UTP20: variants seen among roughly 807,000 people sequenced by gnomAD.
UTP20 encodes UTP20 small subunit processome component.
A neutral mutation model predicts 329.5 loss-of-function variants in UTP20; 164 were observed. The ratio of observed to expected loss-of-function variants is 0.50; its 90% CI spans 0.44 to 0.57. UTP20 has a LOEUF of 0.57. UTP20 is among the 20% of genes least tolerant of loss of function. UTP20 has a pLI of 0.00. For missense variants in UTP20, 3,055 were observed against 3,284.2 expected (o/e 0.93, Z 1.71); for synonymous variants, 1,151 against 1,159.3 (o/e 0.99, Z 0.14).
intron 38 of UTP20, among the ~76,000 whole-genome samples, chr12:101,350,607 T>C (rs1028074691): frequency 2.6e-5 from 4 of 152,160 alleles, no homozygotes; most frequent in Admixed American, 1.3e-4. Context: ...GCTTTCAAGC[T>C]CTCTTAGGGC....
At chr12:101,378,088 G>C (rs1227144356) in intron 56 of UTP20, among the ~76,000 whole-genome samples, 2 of 152,200 alleles carry the variant, frequency 1.3e-5, no homozygotes, top group African/African-American at 4.8e-5. Flanking sequence ...GTGGTGTATG[G>C]AGAATGGCCA....
intron 49 of UTP20, 84 bp from the exon 50 acceptor site, chr12:101,370,348 G>A (rs1362297903): frequency 6.9e-7 from 1 of 1,441,110 alleles, no homozygotes; most frequent in African/African-American, 1.4e-5. Flanking sequence ...AAGCATACTT[G>A]TGTGTTGTGT....
intron 42 of UTP20, 108 bp from the exon 43 acceptor site, chr12:101,356,818 A>G: frequency 3.4e-6 from 5 of 1,476,414 alleles, no homozygotes; most frequent in Non-Finnish European, 4.5e-6. Context: ...GGTTTCGAAT[A>G]TTAACAGGAA....
At chr12:101,384,447 G>C (rs113398050) in intron 60 of UTP20, among the ~76,000 whole-genome samples, 2,216 of 152,254 alleles carry the variant, frequency 0.015, 47 homozygotes, top group African/African-American at 0.05. Context: ...AGGCTGAGGT[G>C]GGGGGATCTC....
chr12:101,308,204 G>C lies in UTP20; in HGVS notation c.2015G>C (p.Arg672Pro). Reference protein sequence around the residue: ...ESMEDDGLSERQSVFAILRQA... With the variant: ...ESMEDDGLSEPQSVFAILRQA... ...ATTCAGGATGATGGGCTCTCAGAGC[G>C]GCAGTCTGTCTTTGCTATATTACGC... is the stretch of plus-strand genomic sequence containing the variant. Residue 672 changes from arginine (R) to proline (P), a missense_variant, in exon 18 of 62, where the codon CGG becomes CCG. This residue lies in a region of UTP20 where 2,445 missense variants were observed against 2,575.5 expected (regional missense o/e 0.95). Transcript: ENST00000261637. 1 of 1,610,006 alleles carries C rather than the reference G, an allele frequency of 6.2e-7. No homozygotes were observed.
chr12:101,296,845 A>C (rs1428608858), intron 12 of UTP20, among the ~76,000 whole-genome samples: 1 of 152,258 alleles, frequency 6.6e-6, no homozygotes, highest in African/African-American at 2.4e-5. Flanking sequence ...TTCATTCAAA[A>C]TGACACATTG....
chr12:101,363,651 G>A lies in UTP20; in HGVS notation c.5866G>A (p.Ala1956Thr), dbSNP rs746086197. 7 of 1,613,938 alleles carry A rather than the reference G, an allele frequency of 4.3e-6. No individual in the cohort carries two copies. Among genetic ancestry groups the A allele is most frequent in the Non-Finnish European group, 5.1e-6 (6 of 1,179,916 alleles). ...GCAGATCCTCTCCAAAGTCATGGAA[G>A]CACGAAGAAGCAAAAGTTACGACTC... is the stretch of plus-strand genomic sequence containing the variant. ...VKQILSKVME[A>T]RRSKSYDSYE... Residue 1956 changes from alanine to threonine, a missense_variant, in exon 45 of 62, where the codon GCA becomes ACA. Physicochemically the swap from Ala to Thr is moderately conservative, Grantham distance 58 (BLOSUM62 0). This residue lies in a region of UTP20 where 2,445 missense variants were observed against 2,575.5 expected (regional missense o/e 0.95). Coordinates refer to ENST00000261637, the MANE Select transcript of UTP20 (RefSeq NM_014503.3).
At chr12:101,313,858 C>T (rs1565791393) in intron 21 of UTP20, among the ~76,000 whole-genome samples, 1 of 151,890 alleles carries the variant, frequency 6.6e-6, no homozygotes. Context: ...AGTTGCAGGT[C>T]TGTGGGGGAG....
rs1408238650 is a variant in UTP20 at position 101,288,967 on chromosome 12, A to G, written c.523A>G (p.Ser175Gly). The stretch of plus-strand genomic sequence containing the variant: ...TATTTTTTTCATGTATAGCATGTAC[A>G]GCACACTCCTGGCTCATAAAAAACT... ...KDMSSIYSMY[S>G]TLLAHKKLHI... Residue 175 changes from serine (S) to glycine (G), a missense_variant, in exon 6 of 62, where the codon AGC becomes GGC. Transcript: ENST00000261637. 1.9e-6 allele frequency: 3 copies of G among 1,613,566 alleles called. No homozygotes were observed. The highest frequency in any genetic ancestry group is 1.3e-5 in the African/African-American group (1 of 75,012).
At chr12:101,327,868 AC>A (rs1392983849) in intron 26 of UTP20, among the ~76,000 whole-genome samples, 1 of 151,780 alleles carries the variant, frequency 6.6e-6, no homozygotes, top group Admixed American at 6.6e-5. Context: ...GTTATGACAG[AC>A]CCATTTACTT....
At position 101,350,756 on chromosome 12, in the gene UTP20, T is replaced by C. The variant is rs115804059; in HGVS notation, c.4885-1299T>C. 6.2e-3 allele frequency among the ~76,000 whole-genome samples: 946 copies of C among 152,232 alleles called. 8 individuals are homozygous for C. The highest frequency in any genetic ancestry group is 0.022 in the African/African-American group (897 of 41,538). On this transcript the variant is annotated intron_variant, in intron 38 of 61. Transcript: ENST00000261637. ...GGACTGTGAACTAGCCTCAACCTTATATGGTCTTTGATGATTGTTTTGCCT... is the reference window on the plus strand; with the variant it reads ...GGACTGTGAACTAGCCTCAACCTTACATGGTCTTTGATGATTGTTTTGCCT...
intron 21 of UTP20, among the ~76,000 whole-genome samples, chr12:101,315,732 TTA>T (rs1872953120): frequency 6.6e-6 from 1 of 152,212 alleles, no homozygotes; most frequent in East Asian, 1.9e-4. Flanking sequence ...AAAATAACAC[TTA>T]TCAGTTTTTT....
intron 44 of UTP20, among the ~76,000 whole-genome samples, 175 bp from the exon 45 acceptor site, chr12:101,363,401 C>T (rs560096996): frequency 5.9e-5 from 9 of 152,236 alleles, no homozygotes; most frequent in African/African-American, 2.2e-4. Context: ...TAATTGGTCC[C>T]TAAATTGCAT....
intron 25 of UTP20, among the ~76,000 whole-genome samples, chr12:101,325,053 A>T (rs1364257939): frequency 2.0e-5 from 3 of 152,158 alleles, no homozygotes; most frequent in East Asian, 1.9e-4. Flanking sequence ...TTTCTCTATT[A>T]AAAAAATCAC....
Position 101,380,376 on chromosome 12 carries a change from C to T in UTP20, c.7585-764C>T, listed in dbSNP as rs563526151. On this transcript the variant is annotated intron_variant, in intron 57 of 61. Coordinates refer to ENST00000261637, the MANE Select transcript of UTP20 (RefSeq NM_014503.3). ...TCTGGGCAAGACCGAGATCTTATCT[C>T]AAAAAAACAAAAAGAAAGAAAGAAA... 2.0e-5 allele frequency among the ~76,000 whole-genome samples: 3 copies of T among 148,116 alleles called. No homozygotes were observed. In the South Asian group the frequency reaches 6.5e-4, roughly 32 times the overall value.
Position 101,295,531 on chromosome 12 carries a change from G to A in UTP20, c.1303G>A (p.Asp435Asn), listed in dbSNP as rs1396311455. 2 of 1,611,512 alleles carry A rather than the reference G, an allele frequency of 1.2e-6. No individual in the cohort carries two copies. The highest frequency in any genetic ancestry group is 1.3e-5 in the African/African-American group (1 of 74,844). ...SYIVNCFLID[D>N]AVVKDEALAI... Reference sequence around the variant, plus strand: ...TATTGTGAATTGCTTCTTAATTGATGATGCTGTAGTCAAAGATGAAGCTCT... The same window carrying A: ...TATTGTGAATTGCTTCTTAATTGATAATGCTGTAGTCAAAGATGAAGCTCT... The change falls in exon 12 of 62, where the codon GAT becomes AAT. Residue 435 changes from aspartate to asparagine, a missense_variant. Transcript: ENST00000261637.
At chr12:101,317,698 C>T (rs1686290559) in intron 22 of UTP20, 35 bp downstream of exon 22, 2 of 1,570,816 alleles carry the variant, frequency 1.3e-6, no homozygotes, top group Admixed American at 1.9e-5. Context: ...CACAGATCCA[C>T]AGTTCTGGGA....
chr12:101,288,021 C>G (rs1378823923), intron 5 of UTP20, among the ~76,000 whole-genome samples: 1 of 152,170 alleles, frequency 6.6e-6, no homozygotes, highest in African/African-American at 2.4e-5. Context: ...TCATTGTGGG[C>G]ACTCCTGAAA....
intron 32 of UTP20, 52 bp downstream of exon 32, chr12:101,340,662 T>A: frequency 8.4e-7 from 1 of 1,187,424 alleles, no homozygotes; most frequent in Non-Finnish European, 1.2e-6. Context: ...ACTTTATCAC[T>A]AGGTTTAATT....
Sources: allele counts gnomAD v4.1 joint callset (sites outside exome capture counted in the v4.1 genomes callset), GRCh38; gene constraint gnomAD v4.1.1; regional missense constraint gnomAD v4.1.1; transcripts MANE v1.5; gene names NCBI Gene and HGNC (gene_info 2026-07-23, HGNC 2026-07-21).